Variants in MRE11 observed in about 807,000 individuals in gnomAD.
MRE11 encodes the protein MRE11 double strand break repair nuclease.
In MRE11, 62 loss-of-function variants were observed where a neutral mutation model predicts 91.7. That is an observed-to-expected ratio of 0.68 (90% CI 0.55 to 0.84). The LOEUF (loss-of-function observed/expected upper bound fraction) is 0.84, where lower values mean the gene tolerates loss of function less well. Among genes scored for constraint, MRE11 ranks in the 40% least tolerant of loss-of-function variants. The pLI, the probability that MRE11 is intolerant of heterozygous loss-of-function variation, is 0.00. For missense variants in MRE11, 796 were observed against 852.9 expected (o/e 0.93, Z 0.83); for synonymous variants, 273 against 271.4 (o/e 1.01, Z -0.06).
intron 15 of MRE11, among the ~76,000 whole-genome samples, chr11:94,446,734 T>C (rs1171203458): frequency 1.3e-5 from 2 of 152,176 alleles, no homozygotes; most frequent in Admixed American, 1.3e-4. Context: ...AGGAATCAAA[T>C]TGGGGGGCAG....
Position 94,492,827 on chromosome 11 carries a change from G to C in MRE11, c.-26C>G. On this transcript the variant is annotated 5_prime_UTR_variant, in exon 2 of 20. Coordinates refer to ENST00000323929, the MANE Select transcript of MRE11 (RefSeq NM_005591.4). ...TTTTATGGTCAGTCAAGCTCCTCTG[G>C]GACCAGGTTCTTCTCCAAGAACCCC... 6.2e-7 allele frequency: 1 copy of C among 1,611,796 alleles called. No homozygotes were observed. Among genetic ancestry groups the C allele is most frequent in the Non-Finnish European group, 8.5e-7 (1 of 1,178,708 alleles).
intron 11 of MRE11, among the ~76,000 whole-genome samples, chr11:94,463,719 G>A (rs1336548161): frequency 6.6e-6 from 1 of 151,118 alleles, no homozygotes; most frequent in East Asian, 2.0e-4. Context: ...CTCATAGGTG[G>A]GAATTGAACA....
At chr11:94,433,350 C>T (rs1330433067) in intron 18 of MRE11, among the ~76,000 whole-genome samples, 1 of 152,202 alleles carries the variant, frequency 6.6e-6, no homozygotes, top group African/African-American at 2.4e-5. Flanking sequence ...CATCCAATAC[C>T]TTTGTAGTGC....
chr11:94,493,316 A>AT (rs1000792942), intron 1 of MRE11, among the ~76,000 whole-genome samples: 5 of 151,948 alleles, frequency 3.3e-5, no homozygotes, highest in South Asian at 2.1e-4. Context: ...AAACCCCACG[A>AT]TTTTTTTTAA....
chr11:94,475,164 G>C (rs534747366), intron 7 of MRE11: 1 of 154,058 alleles, frequency 6.5e-6, no homozygotes, highest in Non-Finnish European at 1.4e-5. Flanking sequence ...TGGCAGATTC[G>C]TGGATTCAAC....
At chr11:94,439,908 A>C (rs1945728636) in intron 16 of MRE11, among the ~76,000 whole-genome samples, 1 of 152,238 alleles carries the variant, frequency 6.6e-6, no homozygotes, top group Non-Finnish European at 1.5e-5. Context: ...ACAATCTCCA[A>C]GTAATTTTTA....
chr11:94,511,613 A>T, the MRE11 span, among the ~76,000 whole-genome samples: 1 of 152,252 alleles, frequency 6.6e-6, no homozygotes, highest in African/African-American at 2.4e-5. Flanking sequence ...TGAAAAACAT[A>T]AAAAGCAGCA....
At chr11:94,506,533 G>C in the MRE11 span, among the ~76,000 whole-genome samples, 13 of 150,360 alleles carry the variant, frequency 8.6e-5, no homozygotes, top group Non-Finnish European at 1.6e-4. Flanking sequence ...AAATTGATAA[G>C]ATTATCTTTA....
intron 14 of MRE11, among the ~76,000 whole-genome samples, chr11:94,453,756 T>C (rs534402): frequency 0.7 from 105,723 of 151,892 alleles, 36,992 homozygotes; most frequent in South Asian, 0.78. Context: ...ATATTTTCTC[T>C]CATTCTGTGG....
At chr11:94,451,276 T>C (rs1946096706) in intron 14 of MRE11, among the ~76,000 whole-genome samples, 1 of 152,054 alleles carries the variant, frequency 6.6e-6, no homozygotes, top group South Asian at 2.1e-4. Context: ...TAACTTAATC[T>C]GATCCAAGGT....
intron 11 of MRE11, among the ~76,000 whole-genome samples, chr11:94,463,641 T>C (rs996005142): frequency 9.2e-5 from 14 of 152,126 alleles, no homozygotes; most frequent in Admixed American, 2.0e-4. Context: ...GGGACATGGA[T>C]GAAGGTGGAA....
intron 18 of MRE11, among the ~76,000 whole-genome samples, chr11:94,430,991 C>T (rs1945449167): frequency 6.6e-6 from 1 of 152,130 alleles, no homozygotes; most frequent in Non-Finnish European, 1.5e-5. Flanking sequence ...GGTTTTGCCT[C>T]TTGACCTGCC....
At chr11:94,428,547 TTAAAC>T (rs1300417090) in intron 19 of MRE11, among the ~76,000 whole-genome samples, 2 of 152,102 alleles carry the variant, frequency 1.3e-5, no homozygotes, top group East Asian at 1.9e-4. Context: ...TAGGACCTCA[TTAAAC>T]TAAAGAGCTT....
intron 19 of MRE11, among the ~76,000 whole-genome samples, chr11:94,425,906 C>CAA (rs1471793927): frequency 6.6e-6 from 1 of 152,126 alleles, no homozygotes; most frequent in Admixed American, 6.5e-5. Flanking sequence ...ACCCCACTGA[C>CAA]AGTGTTAGAA....
In MRE11 at chr11:94,490,966, C is replaced by A; in HGVS notation, c.21-1G>T. The stretch of plus-strand genomic sequence containing the variant: ...TATTTTAAATGTGTTTTCATCATCA[C>A]TATATTAAGAAAGAAGAAACATTTC... On this transcript the variant is annotated splice_acceptor_variant, in intron 2 of 19. Transcript: ENST00000323929. LOFTEE classifies it high-confidence loss of function. 1 of 1,417,750 alleles carries A rather than the reference C, an allele frequency of 7.1e-7. No individual in the cohort carries two copies. The highest frequency in any genetic ancestry group is 2.3e-5 in the East Asian group (1 of 43,454). 87.8% of individuals were successfully genotyped at this position (1,417,750 alleles called of 1,614,324 possible). A position where few individuals can be genotyped will look rare whatever the true frequency, so the allele number is the denominator to read the frequency against.
intron 18 of MRE11, 32 bp from the exon 19 acceptor site, chr11:94,430,018 A>G (rs371941434): frequency 6.2e-7 from 1 of 1,604,026 alleles, no homozygotes; most frequent in Non-Finnish European, 8.5e-7. Context: ...AACAAACACA[A>G]TGAACTACAT....
chr11:94,429,633 A>G lies in MRE11; in HGVS notation c.2070+278T>C, dbSNP rs191379099. On this transcript the variant is annotated intron_variant, in intron 19 of 19. Coordinates refer to ENST00000323929, the MANE Select transcript of MRE11 (RefSeq NM_005591.4). The stretch of plus-strand genomic sequence containing the variant: ...AAACACTGAGTTCACATGGACATGA[A>G]GATGGGAACAACAGACACTGTGGAC... Among the ~76,000 whole-genome samples the G allele has an allele frequency of 6.3e-3, 967 of 152,354 alleles. 6 individuals carry two copies. Among genetic ancestry groups the G allele is most frequent in the Non-Finnish European group, 9.7e-3 (661 of 68,034 alleles).
the MRE11 span, among the ~76,000 whole-genome samples, chr11:94,508,063 C>T: frequency 6.6e-6 from 1 of 151,950 alleles, no homozygotes; most frequent in African/African-American, 2.4e-5. Context: ...TCAAATTCTG[C>T]GGCTCAAGCA....
At chr11:94,454,387 C>T (rs1256121711) in intron 14 of MRE11, among the ~76,000 whole-genome samples, 1 of 152,020 alleles carries the variant, frequency 6.6e-6, no homozygotes, top group Non-Finnish European at 1.5e-5. Context: ...GACTTTAAAG[C>T]ATACTGTTTT....
Sources: allele counts gnomAD v4.1 joint callset (sites outside exome capture counted in the v4.1 genomes callset), GRCh38; gene constraint gnomAD v4.1.1; transcripts MANE v1.5; gene names NCBI Gene and HGNC (gene_info 2026-07-23, HGNC 2026-07-21).